The following ANKS1B variants were observed in gnomAD, a reference collection of about 807,000 sequenced individuals.
ANKS1B encodes the protein ankyrin repeat and sterile alpha motif domain-containing protein 1B.
A neutral mutation model predicts 148.3 loss-of-function variants in ANKS1B; 36 were observed. The ratio of observed to expected loss-of-function variants is 0.24; its 90% confidence interval spans 0.19 to 0.32. The LOEUF (loss-of-function observed/expected upper bound fraction) is 0.32, where lower values mean the gene tolerates loss of function less well. Ranked by LOEUF, ANKS1B falls within the 10% of genes least tolerant of loss-of-function variation. The pLI, the probability that ANKS1B is intolerant of heterozygous loss-of-function variation, is 1.00. For missense variants in ANKS1B, 1,157 were observed against 1,542.6 expected, an observed-to-expected ratio of 0.75 and a Z score of 4.19; for synonymous variants, 542 against 560.8, an observed-to-expected ratio of 0.97 and a Z score of 0.47.
chr12:98,945,898 G>C (rs2099844769), intron 17 of ANKS1B, among the ~76,000 whole-genome samples: 1 of 152,154 alleles, frequency 6.6e-6, no homozygotes, highest in African/African-American at 2.4e-5. Context: ...ACAGCTTCTT[G>C]AACAAATCTT....
At chr12:99,232,802 G>A (rs529527854) in intron 14 of ANKS1B, among the ~76,000 whole-genome samples, 30 of 152,228 alleles carry the variant, frequency 2.0e-4, no homozygotes, top group African/African-American at 7.0e-4. Flanking sequence ...GGTTTCCCAA[G>A]CATCTTTCTG....
At chr12:99,346,725 C>T (rs1467805138) in intron 12 of ANKS1B, among the ~76,000 whole-genome samples, 3 of 151,930 alleles carry the variant, frequency 2.0e-5, no homozygotes, top group South Asian at 2.1e-4. Context: ...GATCATGGGG[C>T]AGATTTCCCC....
chr12:98,934,084 A>C (rs1281787971), intron 17 of ANKS1B, among the ~76,000 whole-genome samples: 1 of 152,100 alleles, frequency 6.6e-6, no homozygotes. Context: ...GGCCAAGACG[A>C]CTGTCAAGTG....
At chr12:99,548,070 G>C (rs2097186914) in intron 9 of ANKS1B, among the ~76,000 whole-genome samples, 1 of 152,132 alleles carries the variant, frequency 6.6e-6, no homozygotes, top group African/African-American at 2.4e-5. Flanking sequence ...AAAAATATCA[G>C]ACCAGTTGTG....
At chr12:99,730,744 G>C (rs1313102457) in intron 8 of ANKS1B, among the ~76,000 whole-genome samples, 1 of 152,102 alleles carries the variant, frequency 6.6e-6, no homozygotes, top group African/African-American at 2.4e-5. Context: ...ATCTCACTAA[G>C]CTGGGAAAGG....
intron 8 of ANKS1B, among the ~76,000 whole-genome samples, chr12:99,711,227 T>A (rs1034224962): frequency 3.3e-5 from 5 of 152,206 alleles, no homozygotes; most frequent in African/African-American, 1.2e-4. Context: ...TAAACTGGAA[T>A]GCACCATGCT....
rs188706483 is a variant in ANKS1B at position 99,055,988 on chromosome 12, C to A, written c.2626-2679G>T. On this transcript the variant is annotated intron_variant, in intron 16 of 26. Coordinates refer to ENST00000683438, the MANE Select transcript of ANKS1B (RefSeq NM_001352186.2). ...GTAAGGCAAGTTCTCCTAGACCAAT[C>A]TTAAAGAGGTGAGAGGGAGGGAAAT... Among the ~76,000 whole-genome samples the A allele has an allele frequency of 1.7e-4, 26 of 152,238 alleles. No individual in the cohort carries two copies. In the East Asian group the frequency reaches 5.0e-3, roughly 29 times the overall value.
intron 12 of ANKS1B, among the ~76,000 whole-genome samples, chr12:99,317,423 G>C (rs1035941651): frequency 2.6e-5 from 4 of 152,126 alleles, no homozygotes; most frequent in African/African-American, 9.7e-5. Flanking sequence ...TCTCTTTGAA[G>C]CAATTGTGAA....
intron 8 of ANKS1B, among the ~76,000 whole-genome samples, chr12:99,711,676 T>A (rs1846797): frequency 0.66 from 100,726 of 151,948 alleles, 33,485 homozygotes; most frequent in Non-Finnish European, 0.69. Flanking sequence ...AGAATGGCTA[T>A]TATTAAAAAG....
intron 9 of ANKS1B, among the ~76,000 whole-genome samples, chr12:99,527,579 T>C (rs768847101): frequency 1.3e-5 from 2 of 152,148 alleles, no homozygotes; most frequent in African/African-American, 2.4e-5. Context: ...TTATCCCAGG[T>C]CATGTTGATG....
At chr12:99,046,364 AAATC>A (rs1446980933) in intron 17 of ANKS1B, among the ~76,000 whole-genome samples, 2 of 152,204 alleles carry the variant, frequency 1.3e-5, no homozygotes, top group Non-Finnish European at 2.9e-5. Flanking sequence ...GCAAGGAGAA[AAATC>A]AATAAAACCC....
rs908238566 is a variant in ANKS1B at position 99,759,205 on chromosome 12, C to T, written c.1128+13717G>A. On this transcript the variant is annotated intron_variant, in intron 8 of 26. Coordinates refer to ENST00000683438, the MANE Select transcript of ANKS1B (RefSeq NM_001352186.2). ...GAACTGTTAGGAAACTGTAAACAAA[C>T]ACAACTTTTCAGCTTTAAAAAGCAT... is the stretch of plus-strand genomic sequence containing the variant. 5.9e-5 allele frequency among the ~76,000 whole-genome samples: 9 copies of T among 151,858 alleles called. No individual in the cohort carries two copies. The South Asian group carries it at 1.0e-3, about 17-fold the overall frequency.
intron 1 of ANKS1B, among the ~76,000 whole-genome samples, chr12:99,923,737 T>C (rs1319374885): frequency 1.3e-5 from 2 of 152,146 alleles, no homozygotes; most frequent in Non-Finnish European, 2.9e-5. Flanking sequence ...CCTTTGAACC[T>C]ATTTTATTTC....
At chr12:99,880,464 C>T (rs1414311321) in intron 1 of ANKS1B, among the ~76,000 whole-genome samples, 2 of 152,286 alleles carry the variant, frequency 1.3e-5, no homozygotes, top group Admixed American at 6.5e-5. Context: ...CAGGTTCTCT[C>T]TAGCTCTCTT....
intron 8 of ANKS1B, among the ~76,000 whole-genome samples, chr12:99,667,731 A>T (rs1292636650): frequency 1.3e-5 from 2 of 152,192 alleles, no homozygotes; most frequent in Non-Finnish European, 2.9e-5. Context: ...AGGTTGAGCA[A>T]ATTATTCCTA....
rs533329046 is a variant in ANKS1B at position 99,801,585 on chromosome 12, G to A, written c.669+4819C>T. On this transcript the variant is annotated intron_variant, in intron 4 of 26. Coordinates refer to ENST00000683438, the MANE Select transcript of ANKS1B (RefSeq NM_001352186.2). ...GGAGGAAAGAAATTGGATACAATGA[G>A]TAAAAACAAGCTTTTCTAACTACGT... 4.6e-5 allele frequency among the ~76,000 whole-genome samples: 7 copies of A among 152,230 alleles called. No individual in the cohort carries two copies. The South Asian group carries it at 1.4e-3, about 32-fold the overall frequency.
At chr12:98,831,186 A>AC (rs1045388387) in intron 18 of ANKS1B, 1 of 151,370 alleles carries the variant, frequency 6.6e-6, no homozygotes, top group African/African-American at 2.4e-5. Context: ...TGACCTCATG[A>AC]CCCGCCCACC....
At chr12:98,917,670 C>T (rs947909728) in intron 17 of ANKS1B, among the ~76,000 whole-genome samples, 1 of 152,196 alleles carries the variant, frequency 6.6e-6, no homozygotes, top group Non-Finnish European at 1.5e-5. Context: ...TAATGAATCT[C>T]ATGATAATAA....
At chr12:99,058,997 AAAGTGCTGGGAT>A (rs2041389265) in intron 16 of ANKS1B, among the ~76,000 whole-genome samples, 1 of 81,786 alleles carries the variant, frequency 1.2e-5, no homozygotes, top group Admixed American at 1.6e-4. Flanking sequence ...TCGGCCTCCC[AAAGTGCTGGGAT>A]TACAGGCGTG....
Sources: gnomAD v4.1 joint callset for allele counts (sites outside exome capture counted in the v4.1 genomes callset) on GRCh38, gnomAD v4.1.1 for gene constraint, MANE v1.5 for transcripts, NCBI Gene and HGNC (gene_info 2026-07-23, HGNC 2026-07-21) for gene names.